NAALADL2: variants seen among roughly 807,000 people sequenced by gnomAD.
The protein encoded by NAALADL2 is N-acetylated alpha-linked acidic dipeptidase like 2.
In NAALADL2, 76 loss-of-function variants were observed where a neutral mutation model predicts 87.2. That is an observed-to-expected ratio of 0.87 (90% confidence interval 0.72 to 1.05). The LOEUF is 1.05. Ranked by LOEUF, NAALADL2 falls within the 50% of genes least tolerant of loss-of-function variation. The pLI is 0.00. For missense variants in NAALADL2, 1,089 were observed against 945.8 expected (o/e 1.15, Z -1.99); for synonymous variants, 354 against 331.0 (o/e 1.07, Z -0.75).
At chr3:174,663,728 A>G (rs1463566047) in intron 2 of NAALADL2, among the ~76,000 whole-genome samples, 1 of 152,096 alleles carries the variant, frequency 6.6e-6, no homozygotes, top group Non-Finnish European at 1.5e-5. Flanking sequence ...GTAGGGGACA[A>G]ATATCCAAAC....
chr3:175,610,151 T>C (rs10936862), intron 10 of NAALADL2, among the ~76,000 whole-genome samples: 104,028 of 152,034 alleles, frequency 0.68, 36,547 homozygotes, highest in East Asian at 0.85. Flanking sequence ...GACTTAAACA[T>C]ATATGATCTC....
intron 11 of NAALADL2, among the ~76,000 whole-genome samples, chr3:175,670,761 G>A (rs1733893966): frequency 6.6e-6 from 1 of 150,700 alleles, no homozygotes; most frequent in African/African-American, 2.4e-5. Context: ...ATTATCCAAC[G>A]TTTTGGCAAG....
chr3:175,587,746 G>A (rs1720743256), intron 10 of NAALADL2, among the ~76,000 whole-genome samples: 1 of 151,972 alleles, frequency 6.6e-6, no homozygotes, highest in South Asian at 2.1e-4. Flanking sequence ...TTCCTTTGCT[G>A]CCTACTTTGA....
intron 3 of NAALADL2, among the ~76,000 whole-genome samples, chr3:174,819,685 C>A (rs763191852): frequency 6.6e-6 from 1 of 152,056 alleles, no homozygotes; most frequent in Non-Finnish European, 1.5e-5. Flanking sequence ...CCAGAAAACT[C>A]TTTCCTATAA....
chr3:174,776,605 T>C (rs1715239559), intron 3 of NAALADL2, among the ~76,000 whole-genome samples: 6 of 152,118 alleles, frequency 3.9e-5, no homozygotes, highest in Admixed American at 3.9e-4. Context: ...AAACTACATA[T>C]TCATAATTTG....
intron 2 of NAALADL2, among the ~76,000 whole-genome samples, chr3:175,148,518 G>A (rs1307317543): frequency 6.6e-6 from 1 of 151,980 alleles, no homozygotes; most frequent in Non-Finnish European, 1.5e-5. Flanking sequence ...TTTTCCCAAC[G>A]CCCAAGTCCA....
At chr3:174,744,655 A>T (rs554840196) in intron 3 of NAALADL2, among the ~76,000 whole-genome samples, 2 of 152,298 alleles carry the variant, frequency 1.3e-5, no homozygotes, top group South Asian at 2.1e-4. Flanking sequence ...CATTCTTCTC[A>T]GTGCCACATG....
chr3:174,921,974 A>G lies in NAALADL2; in HGVS notation c.43+62524A>G, dbSNP rs190675885. ...TTAGTACCTGTTCTTTTGTTTTGTC[A>G]TGAAAAAAACATATGTATGAGACAA... On this transcript the variant is annotated intron_variant, in intron 1 of 13. Transcript: ENST00000454872. Among the ~76,000 whole-genome samples the G allele has an allele frequency of 2.8e-3, 431 of 152,052 alleles. 3 individuals carry two copies. Among genetic ancestry groups the G allele is most frequent in the African/African-American group, 0.01 (418 of 41,442 alleles).
At chr3:175,459,170 T>A (rs1722753214) in intron 6 of NAALADL2, among the ~76,000 whole-genome samples, 1 of 151,882 alleles carries the variant, frequency 6.6e-6, no homozygotes, top group Non-Finnish European at 1.5e-5. Context: ...TTGGAACACA[T>A]GGTATAAGAA....
chr3:174,456,435 A>AT (rs1715839990), intron 1 of NAALADL2, among the ~76,000 whole-genome samples: 1 of 143,972 alleles, frequency 6.9e-6, no homozygotes, highest in Admixed American at 7.0e-5. Flanking sequence ...AAAAAAAAAA[A>AT]TCAGGAAGCA....
chr3:175,165,993 G>T (rs1733945291), intron 2 of NAALADL2, among the ~76,000 whole-genome samples: 1 of 149,700 alleles, frequency 6.7e-6, no homozygotes, highest in African/African-American at 2.5e-5. Context: ...GCTACCATTT[G>T]CTGGCTTCTT....
chr3:174,997,606 C>T (rs1261818501), intron 1 of NAALADL2, among the ~76,000 whole-genome samples: 1 of 152,072 alleles, frequency 6.6e-6, no homozygotes, highest in Non-Finnish European at 1.5e-5. Flanking sequence ...GGGTGGATCA[C>T]CTGAGATCAG....
intron 9 of NAALADL2, among the ~76,000 whole-genome samples, chr3:175,573,610 C>T (rs9850190): frequency 0.027 from 4,125 of 152,248 alleles, 132 homozygotes; most frequent in African/African-American, 0.067. Flanking sequence ...CAGAGGTGCT[C>T]GGGATTTATA....
At chr3:174,509,568 ATTTTTTTTTTTT>A (rs145219498) in intron 1 of NAALADL2, among the ~76,000 whole-genome samples, 52 of 80,114 alleles carry the variant, frequency 6.5e-4, no homozygotes, top group East Asian at 4.9e-3. Flanking sequence ...CACCCAGCTA[ATTTTTTTTTTTT>A]TTTTTTTTTT....
At chr3:174,603,622 G>A (rs1358648003) in intron 2 of NAALADL2, among the ~76,000 whole-genome samples, 1 of 150,876 alleles carries the variant, frequency 6.6e-6, no homozygotes, top group Non-Finnish European at 1.5e-5. Context: ...TACTAATTTT[G>A]GGTTTGGTTT....
intron 10 of NAALADL2, chr3:175,609,415 A>AGT (rs1724273528): frequency 6.6e-6 from 1 of 152,174 alleles, no homozygotes; most frequent in African/African-American, 2.4e-5. Flanking sequence ...TCATATTTAT[A>AGT]GTATATATGA....
chr3:175,502,249 G>C (rs917031591), intron 9 of NAALADL2, among the ~76,000 whole-genome samples: 2 of 151,938 alleles, frequency 1.3e-5, no homozygotes. Context: ...GTGTGTGTGT[G>C]TGTGTGTCTG....
At chr3:175,006,009 C>G (rs1364163747) in intron 1 of NAALADL2, among the ~76,000 whole-genome samples, 1 of 152,120 alleles carries the variant, frequency 6.6e-6, no homozygotes, top group African/African-American at 2.4e-5. Context: ...ACGATGTGCG[C>G]GGTAACAGCC....
At chr3:174,476,197 A>G (rs1436767432) in intron 1 of NAALADL2, among the ~76,000 whole-genome samples, 1 of 151,956 alleles carries the variant, frequency 6.6e-6, no homozygotes, top group Non-Finnish European at 1.5e-5. Flanking sequence ...AGATTTTGCT[A>G]AATATCTGTC....
Sources: allele counts gnomAD v4.1 joint callset (sites outside exome capture counted in the v4.1 genomes callset), GRCh38; gene constraint gnomAD v4.1.1; transcripts MANE v1.5; gene names NCBI Gene and HGNC (gene_info 2026-07-23, HGNC 2026-07-21).